PUDP: variants seen among roughly 807,000 people sequenced by gnomAD.
PUDP encodes the protein pseudouridine-5'-phosphatase.
PUDP carries 8 observed loss-of-function variants against 9.4 expected under a neutral mutation model. The observed-to-expected ratio is 0.85, with a 90% CI of 0.50 to 1.53. The LOEUF (loss-of-function observed/expected upper bound fraction) is 1.53. Ranked by LOEUF, PUDP falls within the 40% of genes most tolerant of loss-of-function variation. The pLI is 0.00. For missense variants in PUDP, 188 were observed against 189.7 expected, an observed-to-expected ratio of 0.99 and a Z score of 0.05; for synonymous variants, 99 against 80.7, an observed-to-expected ratio of 1.23 and a Z score of -1.22.
chrX:6,805,119 A>T (rs371424254), intron 3 of PUDP, among the ~76,000 whole-genome samples: 36 of 110,028 alleles, frequency 3.3e-4, no homozygotes, highest in African/African-American at 1.1e-3. Flanking sequence ...ATATCAAAAA[A>T]ATTAGCCAGG....
At chrX:6,996,608 A>ATG (rs200398037) in intron 1 of PUDP, among the ~76,000 whole-genome samples, 2 of 104,798 alleles carry the variant, frequency 1.9e-5, no homozygotes, top group African/African-American at 3.6e-5. Context: ...ATACATACAT[A>ATG]TGTATATATA....
At chrX:6,788,807 T>C in intron 3 of PUDP, among the ~76,000 whole-genome samples, 1 of 112,499 alleles carries the variant, frequency 8.9e-6, no homozygotes, top group East Asian at 2.8e-4. Context: ...TTCTATCACT[T>C]TGCTATTTCT....
At chrX:6,985,076 C>G (rs1164622434) in intron 1 of PUDP, among the ~76,000 whole-genome samples, 2 of 111,838 alleles carry the variant, frequency 1.8e-5, no homozygotes, top group African/African-American at 6.5e-5. Context: ...AAGGGTCAGG[C>G]TGCTTATTCT....
rs1926333686 is a variant in PUDP, at chrX:6,821,050, C to T, written c.*248-114584G>A. 2.7e-5 allele frequency among the ~76,000 whole-genome samples: 3 copies of T among 110,467 alleles called. No homozygotes were observed. In the South Asian group the frequency reaches 1.2e-3, roughly 44 times the overall value. On this transcript the variant is annotated intron_variant and NMD_transcript_variant, in intron 3 of 3. Coordinates refer to the PUDP transcript ENST00000655425. ...CTTCTGAAATCTAGGTGGAGGTTCC[C>T]AAACCTCGATTCCTGACTTTTGTGT...
chrX:6,838,554 A>G (rs1187057878), intron 3 of PUDP, among the ~76,000 whole-genome samples: 1 of 112,051 alleles, frequency 8.9e-6, no homozygotes, highest in Non-Finnish European at 1.9e-5. Context: ...CCCCATCCAA[A>G]CTCTTTGGGC....
intron 1 of PUDP, among the ~76,000 whole-genome samples, chrX:7,027,566 T>C (rs780759985): frequency 2.1e-4 from 21 of 102,166 alleles, no homozygotes; most frequent in Non-Finnish European, 2.2e-4. Context: ...TGAGAATATA[T>C]ATGAGATATA....
chrX:6,752,669 G>C (rs1410308016), intron 3 of PUDP, among the ~76,000 whole-genome samples: 5 of 111,478 alleles, frequency 4.5e-5, no homozygotes, highest in African/African-American at 9.8e-5. Flanking sequence ...TGATGCTTTG[G>C]ATATAAGAAA....
chrX:6,728,124 A>AAG lies in PUDP; in HGVS notation c.*248-21660_*248-21659dup, dbSNP rs201786318. ...AGGCATGTGTTACATGGTGGCAGACAAGAGAGAATGAGAACCAAGGAAAAG... is the reference window on the plus strand; with the variant it reads ...AGGCATGTGTTACATGGTGGCAGACAAGAGAGAGAATGAGAACCAAGGAAAAG... On this transcript the variant is annotated intron_variant and NMD_transcript_variant, in intron 3 of 3. Transcript: ENST00000655425. 8.8e-3 allele frequency among the ~76,000 whole-genome samples: 980 copies of AAG among 111,399 alleles called. 13 individuals are homozygous for AAG. The highest frequency in any genetic ancestry group is 0.028 in the African/African-American group (854 of 30,545).
chrX:6,841,275 CA>C (rs60013748), intron 3 of PUDP, among the ~76,000 whole-genome samples: 9,708 of 91,953 alleles, frequency 0.11, 590 homozygotes, highest in East Asian at 0.46. Context: ...AACTCTGCCT[CA>C]AAAAAAAAAA....
intron 3 of PUDP, among the ~76,000 whole-genome samples, chrX:6,912,061 G>C (rs1037758702): frequency 3.6e-5 from 4 of 111,556 alleles, no homozygotes; most frequent in African/African-American, 1.3e-4. Context: ...TCTTTTTGAA[G>C]TTATGGGTCA....
chrX:7,112,918 C>T, intron 1 of PUDP: 1 of 112,521 alleles, frequency 8.9e-6, no homozygotes, highest in Middle Eastern at 4.6e-3. Context: ...CCACTATGGA[C>T]TCCCAAAGTG....
intron 1 of PUDP, among the ~76,000 whole-genome samples, chrX:7,021,675 G>A (rs770343548): frequency 6.3e-5 from 7 of 111,824 alleles, no homozygotes; most frequent in African/African-American, 1.3e-4. Flanking sequence ...ATCCATATGC[G>A]TATGTCAAAA....
chrX:7,079,527 G>A (rs1931018261), intron 2 of PUDP, among the ~76,000 whole-genome samples: 1 of 112,635 alleles, frequency 8.9e-6, no homozygotes, highest in African/African-American at 3.2e-5. Flanking sequence ...TTATTTTTAA[G>A]TGCACGTGGA....
chrX:6,925,794 G>C (rs1193582937), intron 3 of PUDP, among the ~76,000 whole-genome samples: 1 of 111,747 alleles, frequency 8.9e-6, no homozygotes, highest in East Asian at 2.8e-4. Flanking sequence ...ATTTGCAGCT[G>C]GGTAAAGCAG....
chrX:6,815,664 C>T (rs1266175279), intron 3 of PUDP, among the ~76,000 whole-genome samples: 2 of 110,776 alleles, frequency 1.8e-5, no homozygotes, highest in Non-Finnish European at 3.8e-5. Flanking sequence ...GACTATAGCC[C>T]AGCCTCCATA....
intron 3 of PUDP, among the ~76,000 whole-genome samples, chrX:6,941,905 T>C (rs1205782363): frequency 8.9e-6 from 1 of 111,803 alleles, no homozygotes; most frequent in Non-Finnish European, 1.9e-5. Flanking sequence ...TTCAGCAACA[T>C]GGATGGAAAT....
At chrX:6,764,598 T>C (rs1040189429) in intron 3 of PUDP, among the ~76,000 whole-genome samples, 8 of 112,242 alleles carry the variant, frequency 7.1e-5, no homozygotes, top group African/African-American at 2.6e-4. Context: ...ACAAGGCTAG[T>C]TGGACCCTTA....
intron 1 of PUDP, among the ~76,000 whole-genome samples, chrX:7,023,271 T>A (rs1016864827): frequency 1.8e-5 from 2 of 111,990 alleles, no homozygotes; most frequent in Non-Finnish European, 3.8e-5. Flanking sequence ...TATAAAAATA[T>A]CTGGCGTCTT....
chrX:7,024,936 T>C (rs1251699914), intron 1 of PUDP, among the ~76,000 whole-genome samples: 5 of 109,319 alleles, frequency 4.6e-5, no homozygotes, highest in South Asian at 8.0e-4. Flanking sequence ...CATGATTAAA[T>C]AGATCACAGT....
Sources: gnomAD v4.1 joint callset for allele counts (sites outside exome capture counted in the v4.1 genomes callset) on GRCh38, gnomAD v4.1.1 for gene constraint, MANE v1.5 for transcripts, NCBI Gene and HGNC (gene_info 2026-07-23, HGNC 2026-07-21) for gene names.